Variants in GALNTL6 observed in about 807,000 individuals in gnomAD.
GALNTL6 encodes polypeptide N-acetylgalactosaminyltransferase-like 6.
Under a neutral mutation model 73.7 loss-of-function variants are expected in GALNTL6, and 46 were observed. The ratio of observed to expected loss-of-function variants is 0.62; its 90% CI spans 0.49 to 0.80. GALNTL6 has a LOEUF of 0.80. Among genes scored for constraint, GALNTL6 ranks in the 30% least tolerant of loss-of-function variants. The pLI, the probability that GALNTL6 is intolerant of heterozygous loss-of-function variation, is 0.00. For missense variants in GALNTL6, 604 were observed against 755.0 expected (o/e 0.80, Z 2.34); for synonymous variants, 259 against 263.7 (o/e 0.98, Z 0.17).
At chr4:171,843,751 C>A (rs887511112) in intron 2 of GALNTL6, among the ~76,000 whole-genome samples, 4 of 151,888 alleles carry the variant, frequency 2.6e-5, no homozygotes, top group Admixed American at 6.6e-5. Flanking sequence ...TCCAAGCAAA[C>A]AAAAATCTAC....
At chr4:172,498,394 T>A (rs1465030976) in intron 5 of GALNTL6, among the ~76,000 whole-genome samples, 2 of 152,184 alleles carry the variant, frequency 1.3e-5, no homozygotes, top group Non-Finnish European at 2.9e-5. Flanking sequence ...GGTGGTCATT[T>A]AAAAAAATTT....
At chr4:172,795,634 C>T (rs755365001) in intron 5 of GALNTL6, among the ~76,000 whole-genome samples, 12 of 152,114 alleles carry the variant, frequency 7.9e-5, no homozygotes, top group Non-Finnish European at 1.6e-4. Context: ...GTAATAATCA[C>T]ATGGAAATGG....
At chr4:172,263,166 T>G (rs1738315740) in intron 3 of GALNTL6, among the ~76,000 whole-genome samples, 1 of 151,508 alleles carries the variant, frequency 6.6e-6, no homozygotes, top group Non-Finnish European at 1.5e-5. Flanking sequence ...TGTCTAAATC[T>G]CTAGCAAGGC....
At chr4:172,367,178 T>C (rs1742596626) in intron 5 of GALNTL6, among the ~76,000 whole-genome samples, 2 of 152,136 alleles carry the variant, frequency 1.3e-5, no homozygotes, top group African/African-American at 4.8e-5. Flanking sequence ...AGGGAGAGTA[T>C]TCACATAGGC....
chr4:172,257,586 A>G (rs770602245), intron 3 of GALNTL6, among the ~76,000 whole-genome samples: 3 of 151,448 alleles, frequency 2.0e-5, no homozygotes, highest in Non-Finnish European at 3.0e-5. Flanking sequence ...CTATTTATTG[A>G]GTAGGTTTGT....
rs946861942 is a variant in GALNTL6, at chr4:172,385,024, T to C, written c.553+36335T>C. Among the ~76,000 whole-genome samples, 3 of 138,974 alleles carry C rather than the reference T, an allele frequency of 2.2e-5. No homozygotes were observed. In the East Asian group the frequency reaches 6.4e-4, roughly 30 times the overall value. The allele number at this position is 138,974 out of a possible 152,430, so 91.2% of individuals were successfully genotyped here. A position where few individuals can be genotyped will look rare whatever the true frequency, so the allele number is the denominator to read the frequency against. The stretch of plus-strand genomic sequence containing the variant: ...TTTCGTTTTTGTTGTTGTTTTGTTT[T>C]TTTGTTTTTTTTTTTTTACCCATTG... On this transcript the variant is annotated intron_variant, in intron 5 of 12. Coordinates refer to ENST00000506823, the MANE Select transcript of GALNTL6 (RefSeq NM_001034845.3).
intron 11 of GALNTL6, among the ~76,000 whole-genome samples, chr4:173,013,035 TATAGAAGGCTCTGTGACTCCCAG>T (rs1752623815): frequency 6.6e-6 from 1 of 152,162 alleles, no homozygotes. Flanking sequence ...CAGAGGGGTT[TATAGAAGGCTCTGTGACTCCCAG>T]ATTTATTGAT....
chr4:172,177,742 T>C (rs1275027302), intron 2 of GALNTL6, among the ~76,000 whole-genome samples: 2 of 133,804 alleles, frequency 1.5e-5, no homozygotes, highest in Non-Finnish European at 3.1e-5. Flanking sequence ...TATATACACA[T>C]GTGTATATAT....
chr4:173,005,050 A>G (rs1009207806), intron 10 of GALNTL6, among the ~76,000 whole-genome samples: 4 of 152,070 alleles, frequency 2.6e-5, no homozygotes, highest in Admixed American at 6.5e-5. Context: ...TTTATGCCAC[A>G]TTCCCCTTCT....
intron 5 of GALNTL6, among the ~76,000 whole-genome samples, chr4:172,451,314 A>C (rs1304427297): frequency 6.6e-6 from 1 of 152,330 alleles, no homozygotes; most frequent in East Asian, 1.9e-4. Flanking sequence ...CAGGAGATAT[A>C]GTGAAGAATT....
At chr4:173,029,544 G>A (rs947357329) in intron 12 of GALNTL6, among the ~76,000 whole-genome samples, 3 of 152,160 alleles carry the variant, frequency 2.0e-5, no homozygotes, top group Non-Finnish European at 4.4e-5. Flanking sequence ...TAAGTTTCTA[G>A]CACCTTTTGT....
intron 9 of GALNTL6, among the ~76,000 whole-genome samples, chr4:172,949,232 C>A (rs991169201): frequency 1.3e-5 from 2 of 152,196 alleles, no homozygotes; most frequent in Non-Finnish European, 2.9e-5. Flanking sequence ...TGGAACCACA[C>A]AAGATGCTAG....
intron 8 of GALNTL6, among the ~76,000 whole-genome samples, chr4:172,897,069 G>A (rs1187180976): frequency 6.6e-6 from 1 of 152,192 alleles, no homozygotes; most frequent in Non-Finnish European, 1.5e-5. Context: ...GTTCAGAAAG[G>A]CAAACATCTC....
chr4:172,253,993 C>A (rs1038673104), intron 3 of GALNTL6, among the ~76,000 whole-genome samples: 1 of 151,752 alleles, frequency 6.6e-6, no homozygotes, highest in African/African-American at 2.4e-5. Context: ...GTTACACCTG[C>A]AGATCACCTA....
At chr4:172,585,952 A>G (rs1344779664) in intron 5 of GALNTL6, among the ~76,000 whole-genome samples, 1 of 152,238 alleles carries the variant, frequency 6.6e-6, no homozygotes, top group East Asian at 1.9e-4. Context: ...AATCAAAACG[A>G]CAATGAGACA....
chr4:172,863,356 G>A (rs1034721359), intron 7 of GALNTL6, among the ~76,000 whole-genome samples: 1 of 152,204 alleles, frequency 6.6e-6, no homozygotes, highest in African/African-American at 2.4e-5. Context: ...ACGCCAGCCT[G>A]AGAAAGCAGC....
rs549696712 is a variant in GALNTL6 at position 172,043,648 on chromosome 4, A to G, written c.139-186008A>G. On this transcript the variant is annotated intron_variant, in intron 2 of 12. Transcript: ENST00000506823. Reference sequence around the variant, plus strand: ...AGAACAGTTACTAGTTTCCACAAACATTTGTTTAGTGTATAAATATTCCAG... The same window carrying G: ...AGAACAGTTACTAGTTTCCACAAACGTTTGTTTAGTGTATAAATATTCCAG... Among the ~76,000 whole-genome samples, 31 of 152,224 alleles carry G rather than the reference A, an allele frequency of 2.0e-4. No individual in the cohort carries two copies. In the East Asian group the frequency reaches 6.0e-3, roughly 29 times the overall value.
At chr4:172,570,688 G>A (rs1736728726) in intron 5 of GALNTL6, among the ~76,000 whole-genome samples, 1 of 152,150 alleles carries the variant, frequency 6.6e-6, no homozygotes, top group Admixed American at 6.5e-5. Flanking sequence ...TGGGGGTGGT[G>A]CGGGGATGGT....
intron 5 of GALNTL6, among the ~76,000 whole-genome samples, chr4:172,670,392 C>G (rs1731909462): frequency 1.3e-5 from 2 of 152,006 alleles, no homozygotes; most frequent in Admixed American, 1.3e-4. Flanking sequence ...TTGCATTTCT[C>G]TAATGATCAG....
Sources: gnomAD v4.1 joint callset for allele counts (sites outside exome capture counted in the v4.1 genomes callset) on GRCh38, gnomAD v4.1.1 for gene constraint, MANE v1.5 for transcripts, NCBI Gene and HGNC (gene_info 2026-07-23, HGNC 2026-07-21) for gene names.